The following COL5A2 variants were observed in gnomAD, a reference collection of about 807,000 sequenced individuals.
COL5A2 encodes collagen alpha-2(V) chain.
Under a neutral mutation model 208.2 loss-of-function variants are expected in COL5A2, and 23 were observed. The observed-to-expected ratio is 0.11, with a 90% CI of 0.08 to 0.16. The LOEUF (loss-of-function observed/expected upper bound fraction) is 0.16, where lower values mean the gene tolerates loss of function less well. COL5A2 is among the 10% of genes least tolerant of loss of function. The probability of loss-of-function intolerance (pLI) is 1.00; values close to 1 mark genes in which losing one functional copy is unlikely to be tolerated. For missense variants in COL5A2, 1,590 were observed against 1,956.4 expected (o/e 0.81, Z 3.53); for synonymous variants, 625 against 628.5 (o/e 0.99, Z 0.08).
At chr2:189,332,139 A>G in the COL5A2 span, among the ~76,000 whole-genome samples, 1 of 152,288 alleles carries the variant, frequency 6.6e-6, no homozygotes, top group African/African-American at 2.4e-5. Flanking sequence ...ACCAAAGTAC[A>G]TGATTAAAAG....
chr2:189,168,082 C>T (rs945650106), intron 1 of COL5A2, among the ~76,000 whole-genome samples: 2 of 151,860 alleles, frequency 1.3e-5, no homozygotes, highest in African/African-American at 4.8e-5. Context: ...GGACTACAGG[C>T]GCCCACCACC....
chr2:189,413,973 G>A, the COL5A2 span, among the ~76,000 whole-genome samples: 1 of 151,798 alleles, frequency 6.6e-6, no homozygotes, highest in Non-Finnish European at 1.5e-5. Flanking sequence ...TGTATTTTTA[G>A]TAGAGACGGG....
intron 1 of COL5A2, among the ~76,000 whole-genome samples, chr2:189,191,170 C>CAAAA (rs1288537416): frequency 7.4e-6 from 1 of 134,956 alleles, no homozygotes; most frequent in African/African-American, 2.6e-5. Context: ...AAACAAACAA[C>CAAAA]AAAAAACAAC....
At chr2:189,341,625 G>T in the COL5A2 span, among the ~76,000 whole-genome samples, 1 of 151,980 alleles carries the variant, frequency 6.6e-6, no homozygotes, top group Non-Finnish European at 1.5e-5. Flanking sequence ...ATCACTTCCA[G>T]GGCTGGTTTC....
intron 3 of COL5A2, among the ~76,000 whole-genome samples, chr2:189,101,529 T>C (rs1000893516): frequency 2.6e-5 from 4 of 152,074 alleles, no homozygotes; most frequent in Non-Finnish European, 5.9e-5. Flanking sequence ...GTCCATGGTA[T>C]CTCTGATTAA....
chr2:189,170,221 A>G (rs531318463), intron 1 of COL5A2, among the ~76,000 whole-genome samples: 5 of 152,362 alleles, frequency 3.3e-5, no homozygotes, highest in Admixed American at 2.6e-4. Flanking sequence ...TGGAAATACA[A>G]TTTCCAAAAC....
chr2:189,254,665 G>A, the COL5A2 span, among the ~76,000 whole-genome samples: 3 of 152,328 alleles, frequency 2.0e-5, no homozygotes, highest in East Asian at 3.9e-4. Context: ...TCCAGGCCCT[G>A]TGGCATACAA....
chr2:189,399,132 T>G, the COL5A2 span, among the ~76,000 whole-genome samples: 8 of 152,334 alleles, frequency 5.3e-5, no homozygotes, highest in Non-Finnish European at 8.8e-5. Context: ...TGCATTTTTA[T>G]GCTTTCAATA....
the COL5A2 span, among the ~76,000 whole-genome samples, chr2:189,403,278 C>T: frequency 8.5e-3 from 1,289 of 152,172 alleles, 18 homozygotes; most frequent in African/African-American, 0.029. Context: ...GAGACTTTGG[C>T]GAAATTGCTT....
chr2:189,138,683 T>A (rs1394798662), intron 1 of COL5A2, among the ~76,000 whole-genome samples: 1 of 151,786 alleles, frequency 6.6e-6, no homozygotes, highest in African/African-American at 2.4e-5. Context: ...AAAACGAACC[T>A]AGAACATCTT....
Position 189,050,625 on chromosome 2 carries a change from C to T in COL5A2, c.2983G>A (p.Val995Ile). 1.3e-6 allele frequency: 2 copies of T among 1,552,642 alleles called. No individual in the cohort carries two copies. The highest frequency in any genetic ancestry group is 1.7e-4 in the Middle Eastern group (1 of 5,970). Reference protein sequence around the residue: ...PAGTTGQRGIVGMPGQRGERG... With the variant: ...PAGTTGQRGIIGMPGQRGERG... ...TCTCCACGTTGCCCAGGCATGCCAACAATTCCTCTCTGCCCGGTCGTTCCA... is the reference window on the plus strand; with the variant it reads ...TCTCCACGTTGCCCAGGCATGCCAATAATTCCTCTCTGCCCGGTCGTTCCA... Residue 995 changes from valine to isoleucine, a missense_variant, in exon 43 of 54, where the codon GTT (valine) becomes ATT (isoleucine). By Grantham distance (29) the Val-to-Ile change is conservative. Coordinates refer to ENST00000374866, the MANE Select transcript of COL5A2 (RefSeq NM_000393.5).
At chr2:189,436,408 G>A in the COL5A2 span, among the ~76,000 whole-genome samples, 2 of 152,086 alleles carry the variant, frequency 1.3e-5, no homozygotes, top group African/African-American at 2.4e-5. Flanking sequence ...ATAGCATTAG[G>A]AGATATACCT....
the COL5A2 span, among the ~76,000 whole-genome samples, chr2:189,326,744 C>A: frequency 6.7e-6 from 1 of 149,888 alleles, no homozygotes; most frequent in Non-Finnish European, 1.5e-5. Flanking sequence ...CACCCACTCC[C>A]CACTAGAAAA....
intron 10 of COL5A2, 42 bp from the exon 11 acceptor site, chr2:189,085,255 CT>C: frequency 1.3e-6 from 2 of 1,491,492 alleles, no homozygotes; most frequent in East Asian, 4.6e-5. Context: ...GAATATTTAC[CT>C]TTACTTGCCA....
At chr2:189,099,009 C>G (rs964366199) in intron 4 of COL5A2, among the ~76,000 whole-genome samples, 1 of 152,110 alleles carries the variant, frequency 6.6e-6, no homozygotes, top group African/African-American at 2.4e-5. Context: ...GGGTTCAAAT[C>G]CCGACACTAC....
At chr2:189,073,154 G>A (rs1686320851) in intron 17 of COL5A2, among the ~76,000 whole-genome samples, 2 of 151,950 alleles carry the variant, frequency 1.3e-5, no homozygotes, top group South Asian at 4.2e-4. Flanking sequence ...TGATCGTTCA[G>A]TCTTGGCCCA....
At chr2:189,034,873 T>A in intron 53 of COL5A2, 43 bp downstream of exon 53, 1 of 1,612,728 alleles carries the variant, frequency 6.2e-7, no homozygotes, top group Non-Finnish European at 8.5e-7. Context: ...CAAAAATAAT[T>A]TTTTTTCCTC....
chr2:189,330,679 T>C, the COL5A2 span, among the ~76,000 whole-genome samples: 7 of 152,294 alleles, frequency 4.6e-5, no homozygotes, highest in African/African-American at 1.4e-4. Flanking sequence ...AGCCATAATT[T>C]AGGGAAATTC....
intron 10 of COL5A2, 126 bp from the exon 11 acceptor site, chr2:189,085,339 T>C: frequency 1.1e-6 from 1 of 917,512 alleles, no homozygotes; most frequent in Non-Finnish European, 1.7e-6. Context: ...AAATGATAAA[T>C]ATTGTTGAGA....
Sources: allele counts gnomAD v4.1 joint callset (sites outside exome capture counted in the v4.1 genomes callset), GRCh38; gene constraint gnomAD v4.1.1; transcripts MANE v1.5; gene names NCBI Gene and HGNC (gene_info 2026-07-23, HGNC 2026-07-21).